The following SAMD5 variants were observed in gnomAD, a reference collection of about 807,000 sequenced individuals.
SAMD5 encodes sterile alpha motif domain-containing protein 5.
A neutral mutation model predicts 11.3 loss-of-function variants in SAMD5; 13 were observed. The ratio of observed to expected loss-of-function variants is 1.15; its 90% CI spans 0.75 to 1.83. The LOEUF is 1.83. Ranked by LOEUF, SAMD5 falls within the 40% of genes most tolerant of loss-of-function variation. The probability of loss-of-function intolerance (pLI) is 0.00; values close to 1 mark genes in which losing one functional copy is unlikely to be tolerated. For synonymous variants in SAMD5, 129 were observed against 111.3 expected (o/e 1.16, Z -1.00); for missense variants, 255 against 239.1 (o/e 1.07, Z -0.44).
chr6:147,900,418 G>T, the SAMD5 span, among the ~76,000 whole-genome samples: 1 of 152,212 alleles, frequency 6.6e-6, no homozygotes, highest in Admixed American at 6.5e-5. Context: ...TCATCATTTT[G>T]CTGGAGACGC....
the SAMD5 span, among the ~76,000 whole-genome samples, chr6:147,797,884 G>A: frequency 6.6e-6 from 1 of 151,126 alleles, no homozygotes; most frequent in Non-Finnish European, 1.5e-5. Flanking sequence ...TCTGATGGTA[G>A]TTTGTATTTC....
chr6:147,759,549 A>T, the SAMD5 span, among the ~76,000 whole-genome samples: 1 of 151,182 alleles, frequency 6.6e-6, no homozygotes, highest in Non-Finnish European at 1.5e-5. Flanking sequence ...ATATATGTAT[A>T]TATCTAATAT....
At chr6:147,687,022 A>G (rs1417496126) in intron 1 of SAMD5, among the ~76,000 whole-genome samples, 1 of 152,106 alleles carries the variant, frequency 6.6e-6, no homozygotes, top group African/African-American at 2.4e-5. Flanking sequence ...TGTTGATTTG[A>G]TAAAAATAAC....
At chr6:147,633,693 C>CT (rs201030758) in intron 1 of SAMD5, among the ~76,000 whole-genome samples, 5,668 of 139,406 alleles carry the variant, frequency 0.041, 149 homozygotes, top group East Asian at 0.14. Flanking sequence ...TCAGATAATG[C>CT]TTTTTTTTTT....
At chr6:147,803,145 G>C in the SAMD5 span, among the ~76,000 whole-genome samples, 2 of 134,598 alleles carry the variant, frequency 1.5e-5, no homozygotes, top group African/African-American at 5.8e-5. Flanking sequence ...GTGTGTGTGT[G>C]TGTGTGTGTG....
intron 1 of SAMD5, among the ~76,000 whole-genome samples, chr6:147,516,873 G>A (rs1788179665): frequency 6.6e-6 from 1 of 152,150 alleles, no homozygotes; most frequent in Non-Finnish European, 1.5e-5. Context: ...CAGTAAATAG[G>A]TTTTTGTAGC....
chr6:147,837,930 C>T, the SAMD5 span, among the ~76,000 whole-genome samples: 2 of 151,896 alleles, frequency 1.3e-5, no homozygotes, highest in Non-Finnish European at 2.9e-5. Context: ...AGGGATGGAA[C>T]TCCCATGCCT....
chr6:147,554,256 C>T (rs1332093633), intron 1 of SAMD5, among the ~76,000 whole-genome samples: 1 of 152,128 alleles, frequency 6.6e-6, no homozygotes, highest in Non-Finnish European at 1.5e-5. Flanking sequence ...TCCGCTGGGT[C>T]CCTCCCATGA....
chr6:147,905,842 T>C, the SAMD5 span, among the ~76,000 whole-genome samples: 1 of 152,202 alleles, frequency 6.6e-6, no homozygotes, highest in Admixed American at 6.5e-5. Context: ...AAGACGCCTA[T>C]CCTCTGAGGC....
chr6:147,519,057 T>A (rs946364186), intron 1 of SAMD5, among the ~76,000 whole-genome samples: 1 of 152,238 alleles, frequency 6.6e-6, no homozygotes, highest in African/African-American at 2.4e-5. Flanking sequence ...AATCTTACTG[T>A]TACATTTCCA....
At chr6:147,521,882 A>G (rs115600779) in intron 1 of SAMD5, among the ~76,000 whole-genome samples, 4,475 of 152,206 alleles carry the variant, frequency 0.029, 216 homozygotes, top group African/African-American at 0.1. Flanking sequence ...TTTTACTGTC[A>G]CAACCATTAA....
At chr6:147,721,580 T>C (rs552119956) in intron 1 of SAMD5, among the ~76,000 whole-genome samples, 69 of 152,306 alleles carry the variant, frequency 4.5e-4, no homozygotes, top group African/African-American at 1.7e-3. Context: ...TTTGAGTTCA[T>C]TGTAGATTCT....
the SAMD5 span, among the ~76,000 whole-genome samples, chr6:147,883,666 A>C: frequency 1.3e-5 from 2 of 152,236 alleles, no homozygotes; most frequent in Non-Finnish European, 2.9e-5. Context: ...TCTTTGCACC[A>C]TTAAAATCTT....
intron 1 of SAMD5, among the ~76,000 whole-genome samples, chr6:147,672,996 TTC>T (rs1302360500): frequency 2.0e-5 from 3 of 152,200 alleles, no homozygotes; most frequent in African/African-American, 7.2e-5. Context: ...GCTTTAATTC[TTC>T]TCTTTCTACA....
At chr6:147,876,170 A>G in the SAMD5 span, among the ~76,000 whole-genome samples, 1 of 152,102 alleles carries the variant, frequency 6.6e-6, no homozygotes, top group East Asian at 1.9e-4. Context: ...AAATCTTAGT[A>G]ATTTTTAAAC....
chr6:147,888,677 G>C, the SAMD5 span, among the ~76,000 whole-genome samples: 2 of 152,064 alleles, frequency 1.3e-5, no homozygotes, highest in Middle Eastern at 3.2e-3. Context: ...GAGATCAGGA[G>C]TTCGAGACCA....
chr6:147,869,184 A>T, the SAMD5 span, among the ~76,000 whole-genome samples: 23 of 152,338 alleles, frequency 1.5e-4, no homozygotes, highest in Admixed American at 1.2e-3. Flanking sequence ...GTTACAAAGG[A>T]TCTAAACACA....
At chr6:147,688,446 A>G (rs1278651913) in intron 1 of SAMD5, among the ~76,000 whole-genome samples, 1 of 152,198 alleles carries the variant, frequency 6.6e-6, no homozygotes, top group Non-Finnish European at 1.5e-5. Context: ...ACTTAGGATA[A>G]AGGAGATTGC....
chr6:147,631,706 G>A (rs892052710), intron 1 of SAMD5, among the ~76,000 whole-genome samples: 1 of 152,152 alleles, frequency 6.6e-6, no homozygotes, highest in African/African-American at 2.4e-5. Flanking sequence ...AGACCAAGAG[G>A]TATTTTAGTT....
Sources: allele counts gnomAD v4.1 joint callset (sites outside exome capture counted in the v4.1 genomes callset), GRCh38; gene constraint gnomAD v4.1.1; transcripts MANE v1.5; gene names NCBI Gene and HGNC (gene_info 2026-07-23, HGNC 2026-07-21).